CAPN14: variants seen among roughly 807,000 people sequenced by gnomAD.
The protein encoded by CAPN14 is calpain 14.
CAPN14 carries 94 observed loss-of-function variants against 101.3 expected under a neutral mutation model. The observed-to-expected ratio is 0.93, with a 90% CI of 0.79 to 1.10. The LOEUF is 1.10. Among genes scored for constraint, CAPN14 ranks in the 50% least tolerant of loss-of-function variants. The pLI is 0.00. For missense variants in CAPN14, 837 were observed against 828.4 expected, an observed-to-expected ratio of 1.01 and a Z score of -0.13; for synonymous variants, 338 against 317.9, an observed-to-expected ratio of 1.06 and a Z score of -0.67.
At chr2:31,176,484 G>C in intron 21 of CAPN14, 103 bp downstream of exon 21, 2 of 815,266 alleles carry the variant, frequency 2.5e-6, no homozygotes, top group South Asian at 3.1e-5. Context: ...CAATTCAGCA[G>C]AATAAAGTGT....
At chr2:31,218,945 T>C (rs1213545400), upstream of CAPN14, among the ~76,000 whole-genome samples, 1 of 140,414 alleles carries the variant, frequency 7.1e-6, no homozygotes, top group African/African-American at 2.7e-5. Context: ...GCAGAAGCAG[T>C]GGATCTGGGA....
intron 1 of CAPN14, among the ~76,000 whole-genome samples, chr2:31,231,715 T>C (rs774541283): frequency 5.3e-5 from 8 of 152,180 alleles, no homozygotes; most frequent in Non-Finnish European, 8.8e-5. Flanking sequence ...ACTTCCATAA[T>C]GGGGCCCCTT....
upstream of CAPN14, among the ~76,000 whole-genome samples, chr2:31,219,341 C>A (rs1228325770): frequency 6.6e-6 from 1 of 152,234 alleles, no homozygotes; most frequent in African/African-American, 2.4e-5. Context: ...AGAGGTCATA[C>A]ATCCCTTCCC....
chr2:31,191,500 C>T, intron 11 of CAPN14, 93 bp from the exon 12 acceptor site: 1 of 1,285,256 alleles, frequency 7.8e-7, no homozygotes, highest in East Asian at 2.5e-5. Flanking sequence ...AAACCGAAAC[C>T]CGAATAGAAG....
At chr2:31,227,538 C>A (rs958919408) in intron 1 of CAPN14, among the ~76,000 whole-genome samples, 1 of 152,186 alleles carries the variant, frequency 6.6e-6, no homozygotes, top group Non-Finnish European at 1.5e-5. Flanking sequence ...ATTTATTGAG[C>A]GCTTACTATA....
chr2:31,177,818 CCTT>C lies in CAPN14; in HGVS notation c.1780_1782del (p.Lys594del). The C allele has an allele frequency of 6.4e-7, 1 of 1,551,750 alleles. No homozygotes were observed. The highest frequency in any genetic ancestry group is 8.7e-7 in the Non-Finnish European group (1 of 1,146,874). ...GACCCACGGTCTTGCTTGTGGAAAA[CCTT>C]CTGCAAAGAACCAAATAAGAGGTTC... is the stretch of plus-strand genomic sequence containing the variant. On this transcript the variant is annotated inframe_deletion and splice_region_variant, in exon 19 of 22. Transcript: ENST00000403897.
Position 31,199,604 on chromosome 2 carries a change from G to A in CAPN14, c.727-72C>T, listed in dbSNP as rs954289709. 1.9e-5 allele frequency: 25 copies of A among 1,301,366 alleles called. No individual in the cohort carries two copies. The Admixed American group carries it at 4.9e-4, about 26-fold the overall frequency. The allele number at this position is 1,301,366 out of a possible 1,614,324, so 80.6% of individuals were successfully genotyped here. A position where few individuals can be genotyped will look rare whatever the true frequency, so the allele number is the denominator to read the frequency against. ...TTATTCTTTGAGTCGTGGGAAGGCT[G>A]TTTGGCTGGAGCAGGGGTTTATGGA... On this transcript the variant is annotated intron_variant, in intron 6 of 21. Transcript: ENST00000403897.
rs1680123219 is a variant in CAPN14, at chr2:31,173,085, A to G, written c.*1596T>C. ...GGGGCCAAGGCAAAATTGGTTTATT[A>G]AAACAGCTATTTGCAATGGCAGATT... On this transcript the variant is annotated 3_prime_UTR_variant, in exon 22 of 22. Transcript: ENST00000403897. 2.0e-5 allele frequency: 3 copies of G among 152,358 alleles called. No homozygotes were observed. In the South Asian group the frequency reaches 6.2e-4, roughly 32 times the overall value. 9.4% of individuals were successfully genotyped at this position (152,358 alleles called of 1,614,324 possible).
chr2:31,180,915 C>A, intron 17 of CAPN14, 21 bp downstream of exon 17: 3 of 1,549,350 alleles, frequency 1.9e-6, no homozygotes, highest in Non-Finnish European at 2.6e-6. Context: ...CAAGCATCCA[C>A]CCACAAACCT....
chr2:31,222,749 A>G (rs13386745), intron 2 of CAPN14, among the ~76,000 whole-genome samples: 24,374 of 152,024 alleles, frequency 0.16, 2,616 homozygotes, highest in African/African-American at 0.31. Context: ...TATCCAAGTG[A>G]AAGTGTCAGA....
Position 31,174,650 on chromosome 2 carries a change from C to G in CAPN14, c.*31G>C, listed in dbSNP as rs1214032858. On this transcript the variant is annotated 3_prime_UTR_variant, in exon 22 of 22. Transcript: ENST00000403897. Reference sequence around the variant, plus strand: ...GCTGCTCTTGGGCCACATGCAGAGTCTTCAGTGAGGGCAGGTGAGACTCAG... The same window carrying G: ...GCTGCTCTTGGGCCACATGCAGAGTGTTCAGTGAGGGCAGGTGAGACTCAG... The G allele has an allele frequency of 1.9e-6, 3 of 1,551,322 alleles. No homozygotes were observed. The East Asian group carries it at 7.3e-5, about 38-fold the overall frequency.
intron 10 of CAPN14, 41 bp downstream of exon 10, chr2:31,193,089 AC>A: frequency 6.6e-7 from 1 of 1,519,584 alleles, no homozygotes. Flanking sequence ...ACCCCCGCCC[AC>A]AACCTCACCC....
chr2:31,188,663 A>AC (rs1176986939), intron 13 of CAPN14, among the ~76,000 whole-genome samples: 1 of 152,208 alleles, frequency 6.6e-6, no homozygotes, highest in African/African-American at 2.4e-5. Context: ...CCGAGACATA[A>AC]AAAACAAACA....
At chr2:31,196,635 C>A (rs1201494084) in intron 8 of CAPN14, among the ~76,000 whole-genome samples, 1 of 152,184 alleles carries the variant, frequency 6.6e-6, no homozygotes, top group Non-Finnish European at 1.5e-5. Flanking sequence ...GACTTTAGGA[C>A]TTGACCTCCC....
upstream of CAPN14, among the ~76,000 whole-genome samples, chr2:31,219,612 C>T (rs1368249178): frequency 2.0e-5 from 3 of 152,166 alleles, no homozygotes; most frequent in Non-Finnish European, 4.4e-5. Context: ...GCAGTAGAAC[C>T]GGAGCACTTG....
intron 17 of CAPN14, among the ~76,000 whole-genome samples, chr2:31,179,060 C>CTTTA (rs777643218): frequency 5.5e-4 from 38 of 69,198 alleles, no homozygotes; most frequent in African/African-American, 2.1e-3. Flanking sequence ...TTATTGAGTT[C>CTTTA]TATATATATA....
intron 11 of CAPN14, 84 bp from the exon 12 acceptor site, chr2:31,191,491 A>G: frequency 7.3e-7 from 1 of 1,372,290 alleles, no homozygotes; most frequent in Non-Finnish European, 9.9e-7. Context: ...CTCTTTCATA[A>G]ACCGAAACCC....
chr2:31,192,451 T>C (rs1034533611), intron 10 of CAPN14, among the ~76,000 whole-genome samples: 3 of 152,184 alleles, frequency 2.0e-5, no homozygotes, highest in African/African-American at 7.2e-5. Flanking sequence ...TGCATTTTAA[T>C]AGACGCAAAA....
At chr2:31,181,526 T>A (rs551944234) in intron 16 of CAPN14, among the ~76,000 whole-genome samples, 1 of 125,838 alleles carries the variant, frequency 7.9e-6, no homozygotes, top group South Asian at 2.5e-4. Flanking sequence ...TTTATTTTTT[T>A]ATTTTATTAT....
Sources: allele counts gnomAD v4.1 joint callset (sites outside exome capture counted in the v4.1 genomes callset), GRCh38; gene constraint gnomAD v4.1.1; transcripts MANE v1.5; gene names NCBI Gene and HGNC (gene_info 2026-07-23, HGNC 2026-07-21).